Variants in CAPN12 observed in about 807,000 individuals in gnomAD.
The protein encoded by CAPN12 is calpain 12.
CAPN12 carries 107 observed loss-of-function variants against 95.0 expected under a neutral mutation model. That is an observed-to-expected ratio of 1.13 (90% CI 0.96 to 1.32). The LOEUF is 1.32. Among genes scored for constraint, CAPN12 ranks in the 40% most tolerant of loss-of-function variants. The pLI, the probability that CAPN12 is intolerant of heterozygous loss-of-function variation, is 0.00. For synonymous variants in CAPN12, 505 were observed against 415.5 expected (o/e 1.22, Z -2.62); for missense variants, 1,136 against 997.8 (o/e 1.14, Z -1.87).
chr19:38,736,691 C>A, intron 10 of CAPN12, 128 bp from the exon 11 acceptor site: 1 of 1,190,804 alleles, frequency 8.4e-7, no homozygotes, highest in South Asian at 1.7e-5. Flanking sequence ...CCTTATTGAA[C>A]CTTTGCCCCG....
Position 38,731,166 on chromosome 19 carries a change from CGGCTATCCCGGTAGCGGCT to C in CAPN12, c.1996_2014del (p.Ser666ValfsTer36). 5.6e-6 allele frequency: 9 copies of C among 1,613,168 alleles called. No homozygotes were observed. The highest frequency in any genetic ancestry group is 7.6e-6 in the Non-Finnish European group (9 of 1,180,026). On this transcript the variant is annotated frameshift_variant, in exon 19 of 21. Coordinates refer to ENST00000328867, the MANE Select transcript of CAPN12 (RefSeq NM_144691.4). LOFTEE classifies it high-confidence loss of function. ...GAACCGCTCGAAGTCCACACGCAGA[CGGCTATCCCGGTAGCGGCT>C]GGTGAGGGTCTGGGTCAGCTGGTTG...
rs1599905873 is a variant in CAPN12, at chr19:38,736,115, C to G, written c.1578G>C (p.Thr526=). The change falls in exon 12 of 21, where the codon ACG becomes ACC. Residue 526 remains threonine (T), a synonymous_variant. Coordinates refer to ENST00000328867, the MANE Select transcript of CAPN12 (RefSeq NM_144691.4). Reference sequence around the variant, plus strand: ...TTTGGGTGCCCGGGGCTCACACGGCCGTGTGGCGGCGCTCGGAGAAGACAC... The same window carrying G: ...TTTGGGTGCCCGGGGCTCACACGGCGGTGTGGCGGCGCTCGGAGAAGACAC... ...TLRVFSERRH[T]AVEIDDVISA... is the part of the protein sequence containing the mutation. 1.3e-6 allele frequency: 2 copies of G among 1,498,248 alleles called. No individual in the cohort carries two copies. The highest frequency in any genetic ancestry group is 1.9e-4 in the Middle Eastern group (1 of 5,272). The allele number at this position is 1,498,248 out of a possible 1,614,324, so 92.8% of individuals were successfully genotyped here.
chr19:38,730,992 C>G lies in CAPN12; in HGVS notation c.2106G>C (p.Glu702Asp), dbSNP rs752235488. The change falls in exon 20 of 21, where the codon GAG becomes GAC. Residue 702 changes from glutamate (E) to aspartate (D), a missense_variant. Glu to Asp is a conservative substitution (Grantham distance 45, BLOSUM62 2). Coordinates refer to ENST00000328867, the MANE Select transcript of CAPN12 (RefSeq NM_144691.4). The stretch of plus-strand genomic sequence containing the variant: ...GTCTGTGGGTCAGGCAGATGACCCC[C>G]TCACCCCCATCCAGGTGCTGGCTGC... ...CHCSQHLDGG[E>D]GVICLTHRQW... 2 of 1,551,508 alleles carry G rather than the reference C, an allele frequency of 1.3e-6. No individual in the cohort carries two copies. Among genetic ancestry groups the G allele is most frequent in the South Asian group, 1.2e-5 (1 of 84,200 alleles).
intron 8 of CAPN12, 139 bp from the exon 9 acceptor site, chr19:38,737,777 C>A: frequency 8.5e-7 from 1 of 1,176,948 alleles, no homozygotes; most frequent in Non-Finnish European, 1.2e-6. Context: ...AAATGAACCC[C>A]AAATGCCTGG....
Position 38,737,557 on chromosome 19 carries a change from C to T in CAPN12, c.1047G>A (p.Pro349=), listed in dbSNP as rs751905049. 4.3e-6 allele frequency: 7 copies of T among 1,612,440 alleles called. No homozygotes were observed. The highest frequency in any genetic ancestry group is 2.2e-5 in the East Asian group (1 of 44,872). Residue 349 remains proline (P), a synonymous_variant, in exon 9 of 21, where the codon CCG becomes CCA. Coordinates refer to ENST00000328867, the MANE Select transcript of CAPN12 (RefSeq NM_144691.4). ...SLSPEVLGPS[P]EGGGWHVHTF... ...TGTGGACGTGCCAGCCGCCCCCCTC[C>T]GGGCTGGGGCCCAGCACCTCCGGGC...
At chr19:38,735,155 AGGGAGAGGGTGGTCCT>A (rs759914154) in intron 14 of CAPN12, 199 bp downstream of exon 14, 5 of 604,228 alleles carry the variant, frequency 8.3e-6, no homozygotes, top group Non-Finnish European at 1.5e-5. Context: ...AGGTGTCAGG[AGGGAGAGGGTGGTCCT>A]GGGAGAGGGT....
chr19:38,737,224 G>A lies in CAPN12; in HGVS notation c.1294C>T (p.Gln432Ter), dbSNP rs1970253553. Residue 432 changes from glutamine to a stop codon, truncating the protein, a stop_gained, in exon 10 of 21, where the codon CAG becomes TAG. Transcript: ENST00000328867. LOFTEE classifies it high-confidence loss of function. Reference sequence around the variant, plus strand: ...GCTCTCAGGCGCCGCCGGTTGCGCTGGATGAGGGACAGAAGGACCGTGCAC... The same window carrying A: ...GCTCTCAGGCGCCGCCGGTTGCGCTAGATGAGGGACAGAAGGACCGTGCAC... ...PKCTVLLSLI[Q>*]RNRRRLRAKG... 1.3e-6 allele frequency: 2 copies of A among 1,551,068 alleles called. No homozygotes were observed. Among genetic ancestry groups the A allele is most frequent in the South Asian group, 1.2e-5 (1 of 84,232 alleles).
intron 2 of CAPN12, among the ~76,000 whole-genome samples, 187 bp downstream of exon 2, chr19:38,742,845 CA>C (rs1262976096): frequency 1.2e-4 from 6 of 50,954 alleles, no homozygotes; most frequent in Non-Finnish European, 2.3e-4. Context: ...AGTGAGACCC[CA>C]TCTCAAAAAA....
rs542153508 is a variant in CAPN12 at position 38,731,096 on chromosome 19, G to T, written c.2074+11C>A. On this transcript the variant is annotated intron_variant, in intron 19 of 20. Transcript: ENST00000328867. ...TCCCCCCATGCCCCACCATGCCGGG[G>T]TGGTACTCACAGAAGATGCAGGTGA... The T allele has an allele frequency of 1.2e-6, 2 of 1,606,938 alleles. No individual in the cohort carries two copies. Among genetic ancestry groups the T allele is most frequent in the East Asian group, 2.2e-5 (1 of 44,674 alleles).
At chr19:38,736,086 C>G in intron 12 of CAPN12, 24 bp downstream of exon 12, 1 of 1,433,214 alleles carries the variant, frequency 7.0e-7, no homozygotes, top group Non-Finnish European at 9.2e-7. Flanking sequence ...GGGATGGGGT[C>G]GGATTTGGGT....
rs1007335843 is a variant in CAPN12, at chr19:38,744,300, G to A, written c.-135C>T. The A allele has an allele frequency of 2.4e-6, 2 of 849,726 alleles. No homozygotes were observed. The highest frequency in any genetic ancestry group is 3.8e-6 in the Non-Finnish European group (2 of 533,202). 52.6% of individuals were successfully genotyped at this position (849,726 alleles called of 1,614,324 possible). ...CTTCCCTCGTTAATATTAATTGATG[G>A]TTTGGGGTGCTGGGGAGCAGGGACG... On this transcript the variant is annotated 5_prime_UTR_variant, in exon 1 of 21. Coordinates refer to ENST00000328867, the MANE Select transcript of CAPN12 (RefSeq NM_144691.4).
At chr19:38,735,295 G>A (rs1969941517) in intron 14 of CAPN12, 75 bp downstream of exon 14, 4 of 1,404,622 alleles carry the variant, frequency 2.8e-6, no homozygotes, top group South Asian at 1.4e-5. Context: ...CACCTGAGAT[G>A]CTGGGGTGGG....
Position 38,734,846 on chromosome 19 carries a change from G to T in CAPN12, c.1711C>A (p.Leu571Ile), listed in dbSNP as rs141070964. 1 of 1,612,754 alleles carries T rather than the reference G, an allele frequency of 6.2e-7. No homozygotes were observed. The highest frequency in any genetic ancestry group is 1.7e-5 in the Admixed American group (1 of 60,008). Residue 571 changes from leucine to isoleucine, a missense_variant, in exon 15 of 21, where the codon CTC (leucine) becomes ATC (isoleucine). Physicochemically the swap from Leu to Ile is conservative, Grantham distance 5. Transcript: ENST00000328867. The stretch of plus-strand genomic sequence containing the variant: ...AGGGCAATGCTTAGTAAGGCCTGGA[G>T]CTGAGAGGCATTGAGTTCTTCCTCC... ...GEEEELNASQLQALLSIALEP... is the reference protein window; with the variant it reads ...GEEEELNASQIQALLSIALEP...
rs145535743 is a variant in CAPN12 at position 38,732,388 on chromosome 19, A to G, written c.1958-1165T>C. On this transcript the variant is annotated intron_variant, in intron 18 of 20. Coordinates refer to ENST00000328867, the MANE Select transcript of CAPN12 (RefSeq NM_144691.4). ...GCTCTGTTGCCCAGGCTGGAGTACA[A>G]TGGCATGATCTTGGCTCACTGCAAC... 4.6e-3 allele frequency among the ~76,000 whole-genome samples: 696 copies of G among 152,188 alleles called. 3 individuals carry two copies. Among genetic ancestry groups the G allele is most frequent in the Non-Finnish European group, 8.0e-3 (544 of 67,998 alleles).
intron 4 of CAPN12, among the ~76,000 whole-genome samples, chr19:38,740,618 G>A (rs1299265373): frequency 2.6e-5 from 4 of 152,178 alleles, no homozygotes; most frequent in Admixed American, 6.5e-5. Flanking sequence ...TGGCCAATAC[G>A]GTGAAACCCC....
chr19:38,733,447 C>G (rs1288154423), intron 18 of CAPN12: 1 of 487,684 alleles, frequency 2.1e-6, no homozygotes, highest in Non-Finnish European at 3.6e-6. Context: ...GGGGCCTCTC[C>G]CTGCCCCAGA....
chr19:38,737,678 C>G, intron 8 of CAPN12, 40 bp from the exon 9 acceptor site: 3 of 1,496,372 alleles, frequency 2.0e-6, no homozygotes, highest in South Asian at 1.3e-5. Flanking sequence ...GGCCCCACCT[C>G]GAGGGGGTCC....
chr19:38,738,839 G>A (rs1470658324), intron 5 of CAPN12, 191 bp from the exon 6 acceptor site: 6 of 606,770 alleles, frequency 9.9e-6, no homozygotes, highest in Non-Finnish European at 1.5e-5. Context: ...AGATGGAAAC[G>A]AGACAAAAGG....
Position 38,735,534 on chromosome 19 carries a change from C to G in CAPN12, c.1594G>C (p.Asp532His), listed in dbSNP as rs763561323. The change falls in exon 13 of 21, where the codon GAC (aspartate) becomes CAC (histidine). Residue 532 changes from aspartate to histidine, a missense_variant. Physicochemically the swap from Asp to His is moderately conservative, Grantham distance 81. Coordinates refer to ENST00000328867, the MANE Select transcript of CAPN12 (RefSeq NM_144691.4). ...ERRHTAVEID[D>H]VISADLQSLQ... ...GACTGCAGGTCTGCGCTGATCACGT[C>G]GTCGATCTCCCTGCAAATTACAGAT... 6.2e-7 allele frequency: 1 copy of G among 1,610,220 alleles called. No homozygotes were observed. Among genetic ancestry groups the G allele is most frequent in the Admixed American group, 1.7e-5 (1 of 59,810 alleles).
Sources: gnomAD v4.1 joint callset for allele counts (sites outside exome capture counted in the v4.1 genomes callset) on GRCh38, gnomAD v4.1.1 for gene constraint, MANE v1.5 for transcripts, NCBI Gene and HGNC (gene_info 2026-07-23, HGNC 2026-07-21) for gene names.